Variants in TDRD12 observed in about 807,000 individuals in gnomAD.
TDRD12 encodes the protein tudor domain containing 12, also known as putative ATP-dependent RNA helicase TDRD12.
TDRD12 carries 158 observed loss-of-function variants against 133.5 expected under a neutral mutation model. That is an observed-to-expected ratio of 1.18 (90% CI 1.04 to 1.35). The LOEUF (loss-of-function observed/expected upper bound fraction) is 1.35. Among genes scored for constraint, TDRD12 ranks in the 40% most tolerant of loss-of-function variants. The pLI, the probability that TDRD12 is intolerant of heterozygous loss-of-function variation, is 0.00. For missense variants in TDRD12, 1,443 were observed against 1,321.3 expected (o/e 1.09, Z -1.43); for synonymous variants, 460 against 477.9 (o/e 0.96, Z 0.49).
At chr19:32,788,538 T>C (rs1293833873) in intron 11 of TDRD12, among the ~76,000 whole-genome samples, 1 of 152,228 alleles carries the variant, frequency 6.6e-6, no homozygotes, top group Non-Finnish European at 1.5e-5. Flanking sequence ...TTTCTTTTTC[T>C]GACAGTGTCC....
chr19:32,728,811 ATTTTT>A (rs34126241), intron 1 of TDRD12, among the ~76,000 whole-genome samples: 1 of 115,918 alleles, frequency 8.6e-6, no homozygotes, highest in African/African-American at 3.3e-5. Flanking sequence ...ACACCTGGCT[ATTTTT>A]TTTTTTTTTT....
At chr19:32,803,824 T>C (rs140328475) in intron 21 of TDRD12, among the ~76,000 whole-genome samples, 131 of 152,284 alleles carry the variant, frequency 8.6e-4, no homozygotes, top group African/African-American at 2.9e-3. Context: ...ATGTTGAATA[T>C]CTTTTCATAG....
intron 1 of TDRD12, among the ~76,000 whole-genome samples, chr19:32,728,439 C>T (rs1182901824): frequency 6.6e-6 from 1 of 152,036 alleles, no homozygotes; most frequent in East Asian, 1.9e-4. Flanking sequence ...TTTCTTTCAG[C>T]AGCGTTTTAT....
intron 2 of TDRD12, among the ~76,000 whole-genome samples, chr19:32,733,545 C>T (rs1969125792): frequency 6.6e-6 from 1 of 151,586 alleles, no homozygotes; most frequent in Admixed American, 6.6e-5. Flanking sequence ...TTTAAGGTTG[C>T]TTCTGTTTTT....
chr19:32,818,393 T>C (rs1481689681), intron 27 of TDRD12, among the ~76,000 whole-genome samples: 1 of 152,136 alleles, frequency 6.6e-6, no homozygotes, highest in Non-Finnish European at 1.5e-5. Context: ...GGGTTCTTGC[T>C]CCACAGAGGC....
At chr19:32,779,723 G>C (rs1230293672) in intron 11 of TDRD12, among the ~76,000 whole-genome samples, 1 of 152,158 alleles carries the variant, frequency 6.6e-6, no homozygotes, top group Non-Finnish European at 1.5e-5. Context: ...GCTAGGTGGT[G>C]GGTGAGTCTC....
At chr19:32,826,936 G>A (rs556697545) in intron 9 of TDRD12, among the ~76,000 whole-genome samples, 187 bp downstream of exon 32, 1 of 152,284 alleles carries the variant, frequency 6.6e-6, no homozygotes, top group East Asian at 1.9e-4. Flanking sequence ...AACCCTTGGT[G>A]ATAAACACAC....
chr19:32,806,028 G>A (rs138496030), intron 21 of TDRD12, among the ~76,000 whole-genome samples: 298 of 151,746 alleles, frequency 2.0e-3, no homozygotes, highest in African/African-American at 6.8e-3. Context: ...CACCGCACCC[G>A]GCCTCCACGT....
At chr19:32,796,071 G>C in intron 14 of TDRD12, 1 of 698,220 alleles carries the variant, frequency 1.4e-6, no homozygotes, top group Non-Finnish European at 1.8e-6. Flanking sequence ...AGAGAGGAGC[G>C]GTGTGAAGGT....
chr19:32,720,151 C>T (rs1968579330), intron 1 of TDRD12, 55 bp downstream of exon 1: 11 of 1,523,644 alleles, frequency 7.2e-6, no homozygotes, highest in Non-Finnish European at 9.7e-6. Flanking sequence ...CCACCCCCAC[C>T]CCAGCCGCGC....
At chr19:32,777,043 C>T (rs917777822) in intron 10 of TDRD12, 106 bp from the exon 11 acceptor site, 7 of 726,202 alleles carry the variant, frequency 9.6e-6, no homozygotes, top group Middle Eastern at 7.8e-4. Flanking sequence ...TGCACACCAC[C>T]ATGCCCGGCA....
intron 3 of TDRD12, among the ~76,000 whole-genome samples, chr19:32,740,728 G>A (rs1190279381): frequency 6.6e-6 from 1 of 152,186 alleles, no homozygotes; most frequent in African/African-American, 2.4e-5. Flanking sequence ...TCCACAGAAG[G>A]GGGGTTGCTG....
intron 1 of TDRD12, among the ~76,000 whole-genome samples, chr19:32,722,716 G>T (rs1157126527): frequency 1.5e-5 from 2 of 137,058 alleles, no homozygotes; most frequent in African/African-American, 5.5e-5. Flanking sequence ...GTCTCGCTCT[G>T]TTGCCCAGGC....
chr19:32,752,214 T>C (rs1278225328), intron 6 of TDRD12, among the ~76,000 whole-genome samples: 1 of 142,762 alleles, frequency 7.0e-6, no homozygotes, highest in Non-Finnish European at 1.5e-5. Context: ...AGTTTCATTC[T>C]TGTTGCCCAG....
intron 11 of TDRD12, among the ~76,000 whole-genome samples, chr19:32,785,191 T>G (rs2145643238): frequency 6.6e-6 from 1 of 152,314 alleles, no homozygotes; most frequent in East Asian, 1.9e-4. Context: ...AAGAACATCT[T>G]TATTTCTGCC....
At chr19:32,782,781 G>A (rs142639838) in intron 11 of TDRD12, among the ~76,000 whole-genome samples, 3 of 152,284 alleles carry the variant, frequency 2.0e-5, no homozygotes, top group African/African-American at 7.2e-5. Flanking sequence ...AGAAGTGTCT[G>A]TTCATGTCCT....
At chr19:32,810,493 C>T (rs939006312) in intron 23 of TDRD12, among the ~76,000 whole-genome samples, 7 of 152,208 alleles carry the variant, frequency 4.6e-5, no homozygotes, top group South Asian at 2.1e-4. Context: ...GCCATCACTG[C>T]GTGCGACATA....
At chr19:32,826,867 A>T in intron 9 of TDRD12, 118 bp downstream of exon 32, 1 of 637,264 alleles carries the variant, frequency 1.6e-6, no homozygotes, top group Non-Finnish European at 2.2e-6. Flanking sequence ...TCAAGCCCTG[A>T]GAAATCAGTT....
chr19:32,721,965 C>G (rs1968696766), intron 1 of TDRD12, among the ~76,000 whole-genome samples: 1 of 151,880 alleles, frequency 6.6e-6, no homozygotes, highest in Non-Finnish European at 1.5e-5. Flanking sequence ...ATCCACCCGC[C>G]TCGGCTTCCC....
Sources: gnomAD v4.1 joint callset for allele counts (sites outside exome capture counted in the v4.1 genomes callset) on GRCh38, gnomAD v4.1.1 for gene constraint, MANE v1.5 for transcripts, NCBI Gene and HGNC (gene_info 2026-07-23, HGNC 2026-07-21) for gene names.